Variants in GNAZ observed in about 807,000 individuals in gnomAD.
GNAZ encodes guanine nucleotide-binding protein G(z) subunit alpha.
A neutral mutation model predicts 25.4 loss-of-function variants in GNAZ; 3 were observed. The ratio of observed to expected loss-of-function variants is 0.12; its 90% CI spans 0.05 to 0.30. The LOEUF is 0.30. Ranked by LOEUF, GNAZ falls within the 10% of genes least tolerant of loss-of-function variation. The probability of loss-of-function intolerance (pLI) is 1.00; values close to 1 mark genes in which losing one functional copy is unlikely to be tolerated. For missense variants in GNAZ, 241 were observed against 501.8 expected (o/e 0.48, Z 4.97); for synonymous variants, 211 against 205.7 (o/e 1.03, Z -0.22).
At chr22:23,081,336 T>G (rs2068672328) in intron 1 of GNAZ, among the ~76,000 whole-genome samples, 1 of 152,236 alleles carries the variant, frequency 6.6e-6, no homozygotes, top group East Asian at 1.9e-4. Context: ...TTTGTGTCTC[T>G]GAAAATTGAC....
intron 2 of GNAZ, among the ~76,000 whole-genome samples, chr22:23,115,829 T>G (rs2069815629): frequency 6.6e-6 from 1 of 152,210 alleles, no homozygotes; most frequent in Admixed American, 6.5e-5. Flanking sequence ...TTCAGGAAAT[T>G]CTGTTCAAGT....
At chr22:23,080,074 A>C (rs1286772611) in intron 1 of GNAZ, among the ~76,000 whole-genome samples, 1 of 152,192 alleles carries the variant, frequency 6.6e-6, no homozygotes, top group Non-Finnish European at 1.5e-5. Context: ...GGCTCTCTCC[A>C]AGGCAGCAAC....
intron 2 of GNAZ, among the ~76,000 whole-genome samples, chr22:23,107,899 A>G (rs548170482): frequency 1.3e-5 from 2 of 152,324 alleles, no homozygotes; most frequent in East Asian, 3.9e-4. Context: ...AAGGACACAG[A>G]CCAGCTGTCA....
intron 1 of GNAZ, among the ~76,000 whole-genome samples, chr22:23,080,770 A>T (rs1271028112): frequency 6.6e-6 from 1 of 152,230 alleles, no homozygotes; most frequent in African/African-American, 2.4e-5. Flanking sequence ...TGCAAAAGCT[A>T]TTGTGATAAA....
intron 1 of GNAZ, among the ~76,000 whole-genome samples, chr22:23,084,902 A>G (rs967707558): frequency 6.6e-6 from 1 of 152,180 alleles, no homozygotes; most frequent in African/African-American, 2.4e-5. Flanking sequence ...CTACCATCGC[A>G]TGTCCAGGTG....
intron 1 of GNAZ, among the ~76,000 whole-genome samples, chr22:23,094,932 C>T (rs1569171968): frequency 6.6e-6 from 1 of 152,238 alleles, no homozygotes; most frequent in African/African-American, 2.4e-5. Context: ...ACAGGGTGAC[C>T]TTATTGAATC....
chr22:23,109,895 C>G (rs2069597908), intron 2 of GNAZ, among the ~76,000 whole-genome samples: 1 of 152,224 alleles, frequency 6.6e-6, no homozygotes, highest in Non-Finnish European at 1.5e-5. Flanking sequence ...GTTCCTGAGG[C>G]TGGCCGTCAG....
rs537349394 is a variant in GNAZ, at chr22:23,089,052, G to T, written c.-449-6195G>T. On this transcript the variant is annotated intron_variant, in intron 1 of 2. Coordinates refer to ENST00000615612, the MANE Select transcript of GNAZ (RefSeq NM_002073.4). ...TTCGTCTTGGCTCACTCTTTCCGTCGCCCAAGCTCAGCATGGGGCAGGCTT... is the reference window on the plus strand; with the variant it reads ...TTCGTCTTGGCTCACTCTTTCCGTCTCCCAAGCTCAGCATGGGGCAGGCTT... 5.3e-5 allele frequency among the ~76,000 whole-genome samples: 8 copies of T among 152,272 alleles called. No homozygotes were observed. The South Asian group carries it at 1.7e-3, about 32-fold the overall frequency.
intron 2 of GNAZ, among the ~76,000 whole-genome samples, chr22:23,104,980 T>C (rs2069420323): frequency 6.6e-6 from 1 of 152,220 alleles, no homozygotes; most frequent in African/African-American, 2.4e-5. Flanking sequence ...GTCTGGATAG[T>C]GGACAAGCTT....
intron 1 of GNAZ, among the ~76,000 whole-genome samples, chr22:23,081,177 A>G (rs1333550474): frequency 6.6e-6 from 1 of 152,206 alleles, no homozygotes; most frequent in Non-Finnish European, 1.5e-5. Context: ...GTTTGGGGAC[A>G]AGGAGTATAA....
chr22:23,082,951 T>C (rs547850862), intron 1 of GNAZ, among the ~76,000 whole-genome samples: 1 of 151,798 alleles, frequency 6.6e-6, no homozygotes, highest in South Asian at 2.1e-4. Context: ...AGGTGTGAAG[T>C]GGTCAAGATC....
chr22:23,112,167 C>G (rs1298527601), intron 2 of GNAZ, among the ~76,000 whole-genome samples: 1 of 152,204 alleles, frequency 6.6e-6, no homozygotes, highest in Non-Finnish European at 1.5e-5. Context: ...ACCTCCGGGC[C>G]TCACTTCTCT....
At chr22:23,115,446 G>T (rs1175478005) in intron 2 of GNAZ, among the ~76,000 whole-genome samples, 2 of 152,216 alleles carry the variant, frequency 1.3e-5, no homozygotes, top group Non-Finnish European at 2.9e-5. Flanking sequence ...GACAAGACCA[G>T]TGTCCCTGAG....
At chr22:23,080,523 A>C (rs913827445) in intron 1 of GNAZ, among the ~76,000 whole-genome samples, 2 of 152,236 alleles carry the variant, frequency 1.3e-5, no homozygotes, top group Admixed American at 1.3e-4. Context: ...GGATAGGCAG[A>C]GAGCTTTGAG....
intron 1 of GNAZ, among the ~76,000 whole-genome samples, chr22:23,087,453 A>G (rs1179066931): frequency 6.6e-6 from 1 of 152,134 alleles, no homozygotes; most frequent in Non-Finnish European, 1.5e-5. Context: ...AAAATAAGAT[A>G]AAAATGCCTC....
intron 1 of GNAZ, among the ~76,000 whole-genome samples, chr22:23,087,819 TC>T (rs1454244043): frequency 6.6e-6 from 1 of 152,154 alleles, no homozygotes; most frequent in Non-Finnish European, 1.5e-5. Flanking sequence ...GGCCAGTTGA[TC>T]CATCAAGTGC....
At chr22:23,074,666 T>C (rs73401124) in intron 1 of GNAZ, among the ~76,000 whole-genome samples, 58 of 152,180 alleles carry the variant, frequency 3.8e-4, no homozygotes, top group African/African-American at 1.3e-3. Flanking sequence ...GGGCCTCCAC[T>C]GTGGGGAGGA....
At chr22:23,109,924 G>C (rs955544995) in intron 2 of GNAZ, among the ~76,000 whole-genome samples, 2 of 152,214 alleles carry the variant, frequency 1.3e-5, no homozygotes, top group African/African-American at 4.8e-5. Flanking sequence ...GCCCTGTGCT[G>C]TCCCCGCAGA....
chr22:23,092,126 A>G (rs578051716), intron 1 of GNAZ, among the ~76,000 whole-genome samples: 1 of 149,176 alleles, frequency 6.7e-6, no homozygotes, highest in South Asian at 2.1e-4. Context: ...TGTGGTCATC[A>G]ACTCTTGGCC....
Sources: gnomAD v4.1 joint callset for allele counts (sites outside exome capture counted in the v4.1 genomes callset) on GRCh38, gnomAD v4.1.1 for gene constraint, MANE v1.5 for transcripts, NCBI Gene and HGNC (gene_info 2026-07-23, HGNC 2026-07-21) for gene names.